Variants in CADM2 observed in about 807,000 individuals in gnomAD.
CADM2 encodes cell adhesion molecule 2.
A neutral mutation model predicts 49.8 loss-of-function variants in CADM2; 12 were observed. The ratio of observed to expected loss-of-function variants is 0.24; its 90% CI spans 0.15 to 0.39. The LOEUF is 0.39. CADM2 is among the 10% of genes least tolerant of loss of function. The pLI is 1.00. For synonymous variants in CADM2, 214 were observed against 175.4 expected (o/e 1.22, Z -1.74); for missense variants, 378 against 492.3 (o/e 0.77, Z 2.20).
intron 1 of CADM2, among the ~76,000 whole-genome samples, chr3:85,719,178 T>A (rs917176859): frequency 6.6e-6 from 1 of 152,174 alleles, no homozygotes; most frequent in Non-Finnish European, 1.5e-5. Flanking sequence ...ATTACTTTCA[T>A]TGTGCTTGTT....
intron 1 of CADM2, among the ~76,000 whole-genome samples, chr3:85,457,955 G>GT (rs1317111578): frequency 6.7e-6 from 1 of 148,604 alleles, no homozygotes; most frequent in Non-Finnish European, 1.5e-5. Flanking sequence ...TTATGATTAG[G>GT]TTTTTTGGGC....
intron 1 of CADM2, among the ~76,000 whole-genome samples, chr3:85,279,278 G>T (rs573327460): frequency 1.3e-5 from 2 of 151,574 alleles, no homozygotes; most frequent in South Asian, 2.1e-4. Context: ...CAGAACAGAT[G>T]AATTGCTTTG....
intron 1 of CADM2, among the ~76,000 whole-genome samples, chr3:85,350,612 T>G (rs748450996): frequency 6.6e-4 from 100 of 152,204 alleles, no homozygotes; most frequent in Non-Finnish European, 2.1e-4. Context: ...GAAAATACTG[T>G]GATCTTTCAT....
chr3:85,647,064 G>T (rs2064909162), intron 1 of CADM2, among the ~76,000 whole-genome samples: 1 of 151,736 alleles, frequency 6.6e-6, no homozygotes, highest in African/African-American at 2.4e-5. Context: ...AACAATTTAA[G>T]CTTTGGTCTC....
At chr3:85,739,979 G>A (rs940568523) in intron 2 of CADM2, among the ~76,000 whole-genome samples, 4 of 152,036 alleles carry the variant, frequency 2.6e-5, no homozygotes, top group Non-Finnish European at 5.9e-5. Flanking sequence ...TCTTATTCTC[G>A]CAACTGGATT....
At position 85,719,676 on chromosome 3, in the gene CADM2, T is replaced by C. The variant is rs555792645; in HGVS notation, c.62-6846T>C. Among the ~76,000 whole-genome samples the C allele has an allele frequency of 4.5e-4, 68 of 151,508 alleles. 1 individual carries two copies. Among genetic ancestry groups the C allele is most frequent in the African/African-American group, 1.6e-3 (66 of 40,862 alleles). On this transcript the variant is annotated intron_variant, in intron 1 of 9. Transcript: ENST00000383699. The stretch of plus-strand genomic sequence containing the variant: ...AAGGAGGAGGAAAAGAAGGAACTGG[T>C]TATTCTATCTCAGGGATGGCAGAGG...
chr3:85,652,569 G>A (rs2065072346), intron 1 of CADM2, among the ~76,000 whole-genome samples: 1 of 151,994 alleles, frequency 6.6e-6, no homozygotes, highest in African/African-American at 2.4e-5. Context: ...GGACTGAGAT[G>A]CTCACTTCTA....
chr3:85,193,152 G>A (rs1392591551), intron 1 of CADM2, among the ~76,000 whole-genome samples: 1 of 151,926 alleles, frequency 6.6e-6, no homozygotes, highest in East Asian at 1.9e-4. Context: ...AAAATATAGG[G>A]TATATATGGG....
At chr3:86,020,889 TG>T (rs1733069868) in intron 8 of CADM2, among the ~76,000 whole-genome samples, 1 of 152,116 alleles carries the variant, frequency 6.6e-6, no homozygotes, top group Non-Finnish European at 1.5e-5. Flanking sequence ...TCATACTGAA[TG>T]GGCAAAAACT....
intron 7 of CADM2, among the ~76,000 whole-genome samples, chr3:85,943,741 G>A (rs551333611): frequency 4.6e-5 from 7 of 151,840 alleles, no homozygotes; most frequent in South Asian, 2.1e-4. Flanking sequence ...CAGAAATAAC[G>A]CCGCATATCT....
chr3:85,620,054 C>T (rs1477876401), intron 1 of CADM2, among the ~76,000 whole-genome samples: 4 of 152,056 alleles, frequency 2.6e-5, no homozygotes, highest in Admixed American at 2.6e-4. Context: ...GAATATGATG[C>T]CAAAGGTTTA....
At chr3:85,853,580 T>C (rs978354662) in intron 3 of CADM2, among the ~76,000 whole-genome samples, 5 of 151,762 alleles carry the variant, frequency 3.3e-5, no homozygotes, top group African/African-American at 9.7e-5. Context: ...ATACCACTTA[T>C]AAATTTGTAA....
intron 6 of CADM2, among the ~76,000 whole-genome samples, chr3:85,927,843 T>A (rs74866002): frequency 0.31 from 47,258 of 151,752 alleles, 8,421 homozygotes; most frequent in East Asian, 0.42. Flanking sequence ...TTTTATTTTA[T>A]TTTTTTCCTG....
chr3:85,473,088 T>G (rs2107612689), intron 1 of CADM2, among the ~76,000 whole-genome samples: 1 of 152,178 alleles, frequency 6.6e-6, no homozygotes, highest in East Asian at 1.9e-4. Context: ...TTAACTTCAT[T>G]ACCTACACAT....
chr3:85,313,804 TACTC>T (rs2044400513), intron 1 of CADM2, among the ~76,000 whole-genome samples: 1 of 152,262 alleles, frequency 6.6e-6, no homozygotes, highest in Non-Finnish European at 1.5e-5. Context: ...TTGGTTATGT[TACTC>T]TCTCTCTTAA....
At chr3:85,558,420 A>AT (rs952856405) in intron 1 of CADM2, among the ~76,000 whole-genome samples, 11 of 151,958 alleles carry the variant, frequency 7.2e-5, no homozygotes, top group Admixed American at 1.3e-4. Flanking sequence ...ACAAAGAATG[A>AT]TTTTTTCAAA....
At chr3:85,989,740 C>T (rs1233559265) in intron 8 of CADM2, among the ~76,000 whole-genome samples, 1 of 151,936 alleles carries the variant, frequency 6.6e-6, no homozygotes, top group Non-Finnish European at 1.5e-5. Flanking sequence ...TGGCTGGGCG[C>T]GGTGGCTCAC....
chr3:85,795,481 G>A (rs988036282), intron 2 of CADM2, among the ~76,000 whole-genome samples: 4 of 152,208 alleles, frequency 2.6e-5, no homozygotes, highest in East Asian at 1.9e-4. Context: ...TTTAGGCTGC[G>A]GGTCCTAGAG....
chr3:85,943,905 C>G (rs1442972112), intron 7 of CADM2, among the ~76,000 whole-genome samples: 1 of 151,990 alleles, frequency 6.6e-6, no homozygotes, highest in African/African-American at 2.4e-5. Context: ...ATGACAGGAT[C>G]AAATTCACAC....
Sources: allele counts gnomAD v4.1 joint callset (sites outside exome capture counted in the v4.1 genomes callset), GRCh38; gene constraint gnomAD v4.1.1; transcripts MANE v1.5; gene names NCBI Gene and HGNC (gene_info 2026-07-23, HGNC 2026-07-21).